Variants in GPAT3 observed in about 807,000 individuals in gnomAD.
GPAT3 encodes the protein glycerol-3-phosphate acyltransferase 3.
Under a neutral mutation model 58.8 loss-of-function variants are expected in GPAT3, and 53 were observed. That is an observed-to-expected ratio of 0.90 (90% confidence interval 0.72 to 1.13). The LOEUF is 1.13. GPAT3 is among the 50% of genes most tolerant of loss of function. The pLI, the probability that GPAT3 is intolerant of heterozygous loss-of-function variation, is 0.00. For synonymous variants in GPAT3, 197 were observed against 187.4 expected, an observed-to-expected ratio of 1.05 and a Z score of -0.42; for missense variants, 511 against 527.6, an observed-to-expected ratio of 0.97 and a Z score of 0.31.
At chr4:83,567,801 C>G (rs560669129) in intron 2 of GPAT3, among the ~76,000 whole-genome samples, 49 of 152,070 alleles carry the variant, frequency 3.2e-4, no homozygotes, top group South Asian at 6.2e-4. Flanking sequence ...AAGCCTGGGT[C>G]TGGTGCTTAT....
chr4:83,584,472 C>T (rs1375528475), intron 3 of GPAT3, among the ~76,000 whole-genome samples: 1 of 152,150 alleles, frequency 6.6e-6, no homozygotes, highest in Non-Finnish European at 1.5e-5. Context: ...GATGGTTGCA[C>T]AACTCTGTGA....
chr4:83,562,210 ATTAT>A (rs1451102784), intron 2 of GPAT3, among the ~76,000 whole-genome samples: 3 of 23,730 alleles, frequency 1.3e-4, no homozygotes, highest in African/African-American at 5.4e-4. Context: ...ATATATATAT[ATTAT>A]ATATATATAT....
rs145878326 is a variant in GPAT3 at position 83,585,095 on chromosome 4, G to A, written c.480-2160G>A. On this transcript the variant is annotated intron_variant, in intron 3 of 11. Transcript: ENST00000264409. ...GGCAAAACATTATTTTAAAAGTTTT[G>A]CATAATTGATGATGAGATTAAACAA... Among the ~76,000 whole-genome samples, 540 of 152,230 alleles carry A rather than the reference G, an allele frequency of 3.5e-3. 7 individuals carry two copies. The East Asian group carries it at 0.051, about 14-fold the overall frequency.
intron 2 of GPAT3, among the ~76,000 whole-genome samples, chr4:83,579,070 C>A (rs1725986718): frequency 2.8e-5 from 1 of 35,662 alleles, no homozygotes; most frequent in Admixed American, 3.1e-4. Context: ...TTCTTTCTTT[C>A]TTTCTTTCTT....
intron 1 of GPAT3, among the ~76,000 whole-genome samples, chr4:83,542,959 T>C (rs1225587377): frequency 1.3e-5 from 2 of 151,930 alleles, no homozygotes; most frequent in East Asian, 1.9e-4. Flanking sequence ...GATCATGCCA[T>C]TGGACTCCAG....
intron 1 of GPAT3, among the ~76,000 whole-genome samples, chr4:83,543,038 C>G (rs186440916): frequency 6.6e-6 from 1 of 151,986 alleles, no homozygotes. Context: ...TGTTAGCTCA[C>G]GCCTGTAATC....
At chr4:83,570,720 G>A (rs557226741) in intron 2 of GPAT3, among the ~76,000 whole-genome samples, 13 of 152,168 alleles carry the variant, frequency 8.5e-5, no homozygotes, top group Middle Eastern at 3.4e-3. Flanking sequence ...TGATCCACCC[G>A]CCTTGGCCTC....
chr4:83,587,375 T>C (rs1404656003), intron 4 of GPAT3, 46 bp downstream of exon 4: 1 of 1,477,392 alleles, frequency 6.8e-7, no homozygotes, highest in Admixed American at 1.9e-5. Flanking sequence ...CTGTCTTTTT[T>C]CTTAGCTGTG....
At position 83,597,494 on chromosome 4, in the gene GPAT3, C is replaced by G. The variant is rs776893882; in HGVS notation, c.975C>G (p.Thr325=). 4.5e-6 allele frequency: 7 copies of G among 1,569,344 alleles called. No individual in the cohort carries two copies. In the East Asian group the frequency reaches 1.6e-4, roughly 36 times the overall value. Residue 325 remains threonine (T), a synonymous_variant, in exon 9 of 12, where the codon ACC becomes ACG. Transcript: ENST00000264409. ...FKKGSFEIGG[T]IHPVAIKYNP... is the part of the protein sequence containing the mutation. Reference sequence around the variant, plus strand: ...AGGGGAGCTTTGAAATTGGAGGAACCATACATCCAGTTGCAATTAAGGTAA... The same window carrying G: ...AGGGGAGCTTTGAAATTGGAGGAACGATACATCCAGTTGCAATTAAGGTAA...
chr4:83,559,619 G>A (rs1389728914), intron 2 of GPAT3, among the ~76,000 whole-genome samples: 3 of 151,932 alleles, frequency 2.0e-5, no homozygotes, highest in Non-Finnish European at 4.4e-5. Flanking sequence ...CAGTGCACCC[G>A]GAGAAAGCAG....
At chr4:83,554,213 G>A (rs879931376) in intron 2 of GPAT3, among the ~76,000 whole-genome samples, 1 of 151,996 alleles carries the variant, frequency 6.6e-6, no homozygotes, top group Non-Finnish European at 1.5e-5. Context: ...GCCATGTCTC[G>A]AACTCTTGGG....
At chr4:83,535,962 G>T (rs1724060795), upstream of GPAT3, 2 of 985,550 alleles carry the variant, frequency 2.0e-6, no homozygotes, top group African/African-American at 1.7e-5. Flanking sequence ...GCTGGGGGAG[G>T]CGGGGCGCGG....
chr4:83,569,827 C>T lies in GPAT3; in HGVS notation c.209-11735C>T, dbSNP rs1157532706. ...AGTGGGTTCCAAGCTGTAAAAGATT[C>T]CTGCCTCAGTTAAAAAAAAAAGGGT... On this transcript the variant is annotated intron_variant, in intron 2 of 11. Coordinates refer to ENST00000264409, the MANE Select transcript of GPAT3 (RefSeq NM_032717.5). Among the ~76,000 whole-genome samples, 2 of 151,856 alleles carry T rather than the reference C, an allele frequency of 1.3e-5. 1 individual carries two copies. Among genetic ancestry groups the T allele is most frequent in the Non-Finnish European group, 2.9e-5 (2 of 67,988 alleles).
chr4:83,604,141 G>T (rs553139410), intron 11 of GPAT3, among the ~76,000 whole-genome samples: 2 of 152,118 alleles, frequency 1.3e-5, no homozygotes, highest in East Asian at 3.9e-4. Context: ...GCGTGATCTC[G>T]GCTCACTGCA....
At chr4:83,579,899 A>C (rs1726042515) in intron 2 of GPAT3, among the ~76,000 whole-genome samples, 1 of 152,236 alleles carries the variant, frequency 6.6e-6, no homozygotes, top group African/African-American at 2.4e-5. Context: ...GATAGGTAAT[A>C]CAGCACTGTC....
At chr4:83,587,458 G>A (rs538121165) in intron 4 of GPAT3, 129 bp downstream of exon 4, 21 of 866,320 alleles carry the variant, frequency 2.4e-5, no homozygotes, top group Non-Finnish European at 2.8e-5. Flanking sequence ...ACGGAGTCTC[G>A]TACTGTCACC....
chr4:83,583,707 G>C (rs1726256888), intron 3 of GPAT3, among the ~76,000 whole-genome samples: 1 of 144,716 alleles, frequency 6.9e-6, no homozygotes, highest in Admixed American at 6.9e-5. Flanking sequence ...ATGAAGCTGG[G>C]CCGGGCATAG....
At chr4:83,549,886 C>A (rs953352908) in intron 2 of GPAT3, among the ~76,000 whole-genome samples, 1 of 151,848 alleles carries the variant, frequency 6.6e-6, no homozygotes, top group African/African-American at 2.4e-5. Flanking sequence ...CCAAACCTGG[C>A]TAATTTTTGT....
chr4:83,543,363 A>G (rs1317101951), intron 1 of GPAT3, among the ~76,000 whole-genome samples: 1 of 152,178 alleles, frequency 6.6e-6, no homozygotes, highest in Non-Finnish European at 1.5e-5. Context: ...AGAATGAGAG[A>G]CTTGAAAAGT....
Sources: gnomAD v4.1 joint callset for allele counts (sites outside exome capture counted in the v4.1 genomes callset) on GRCh38, gnomAD v4.1.1 for gene constraint, MANE v1.5 for transcripts, NCBI Gene and HGNC (gene_info 2026-07-23, HGNC 2026-07-21) for gene names.